Variants in CNTNAP4 observed in about 807,000 individuals in gnomAD.
The protein encoded by CNTNAP4 is contactin associated protein family member 4, also known as contactin-associated protein-like 4.
Under a neutral mutation model 148.4 loss-of-function variants are expected in CNTNAP4, and 98 were observed. That is an observed-to-expected ratio of 0.66 (90% confidence interval 0.56 to 0.78). The LOEUF (loss-of-function observed/expected upper bound fraction) is 0.78. Among genes scored for constraint, CNTNAP4 ranks in the 30% least tolerant of loss-of-function variants. The pLI is 0.00. For synonymous variants in CNTNAP4, 730 were observed against 565.1 expected (o/e 1.29, Z -4.14); for missense variants, 1,935 against 1,565.6 (o/e 1.24, Z -3.98).
Position 76,560,339 on chromosome 16 carries a change from G to A in CNTNAP4, c.*1656G>A, listed in dbSNP as rs1325329361. ...CTCATAGCACTATATCCATATTGAT[G>A]TTTCTGCAAATGCCTGACTAAATCT... On this transcript the variant is annotated 3_prime_UTR_variant, in exon 24 of 24. Coordinates refer to ENST00000611870, the MANE Select transcript of CNTNAP4 (RefSeq NM_033401.5). Among the ~76,000 whole-genome samples the A allele has an allele frequency of 6.6e-6, 1 of 152,048 alleles. No homozygotes were observed. The highest frequency in any genetic ancestry group is 1.5e-5 in the Non-Finnish European group (1 of 68,008).
intron 11 of CNTNAP4, among the ~76,000 whole-genome samples, chr16:76,478,803 T>A (rs1468642429): frequency 6.6e-6 from 1 of 152,188 alleles, no homozygotes; most frequent in Non-Finnish European, 1.5e-5. Context: ...ATTTTAATTA[T>A]CTTGAGTTCT....
chr16:76,470,027 T>C (rs761221243), intron 10 of CNTNAP4, among the ~76,000 whole-genome samples: 76 of 152,308 alleles, frequency 5.0e-4, no homozygotes, highest in Non-Finnish European at 9.3e-4. Flanking sequence ...CCAGGCCTTA[T>C]GCTAAGCACT....
At chr16:76,430,164 T>C (rs9926179) in intron 4 of CNTNAP4, among the ~76,000 whole-genome samples, 31,794 of 152,088 alleles carry the variant, frequency 0.21, 4,198 homozygotes, top group East Asian at 0.37. Context: ...TTTATTAAAA[T>C]GTGATATTAT....
chr16:76,297,698 A>G (rs1230440847), intron 1 of CNTNAP4, among the ~76,000 whole-genome samples: 1 of 152,210 alleles, frequency 6.6e-6, no homozygotes, highest in Non-Finnish European at 1.5e-5. Context: ...AGATAGATAC[A>G]CAATCCTTCA....
chr16:76,481,335 ATGAC>A (rs2081819430), intron 12 of CNTNAP4, among the ~76,000 whole-genome samples: 1 of 152,244 alleles, frequency 6.6e-6, no homozygotes, highest in East Asian at 1.9e-4. Flanking sequence ...ACAAAACAAA[ATGAC>A]TGCATTTTAA....
At chr16:76,370,216 G>A (rs930825992) in intron 3 of CNTNAP4, among the ~76,000 whole-genome samples, 2 of 150,950 alleles carry the variant, frequency 1.3e-5, no homozygotes, top group Admixed American at 6.6e-5. Context: ...TATTTTAGTA[G>A]TTTAAATCCA....
chr16:76,555,124 G>A (rs898944435), intron 23 of CNTNAP4, among the ~76,000 whole-genome samples: 3 of 152,052 alleles, frequency 2.0e-5, no homozygotes, highest in African/African-American at 7.2e-5. Flanking sequence ...GGCAATTTAT[G>A]TGGCTTTATA....
intron 15 of CNTNAP4, among the ~76,000 whole-genome samples, chr16:76,510,723 T>C (rs1186944617): frequency 1.3e-5 from 2 of 152,208 alleles, no homozygotes; most frequent in Non-Finnish European, 2.9e-5. Context: ...TGAAAAATTT[T>C]CTCAACAGGG....
chr16:76,447,133 A>C (rs1210507674), intron 4 of CNTNAP4, among the ~76,000 whole-genome samples: 1 of 151,872 alleles, frequency 6.6e-6, no homozygotes, highest in Non-Finnish European at 1.5e-5. Context: ...CATAATGAGG[A>C]CTTCATCTCC....
Position 76,407,583 on chromosome 16 carries a change from G to T in CNTNAP4, c.391-19869G>T, listed in dbSNP as rs2078639343. Among the ~76,000 whole-genome samples, 3 of 152,180 alleles carry T rather than the reference G, an allele frequency of 2.0e-5. No homozygotes were observed. The South Asian group carries it at 6.2e-4, about 32-fold the overall frequency. On this transcript the variant is annotated intron_variant, in intron 3 of 23. Transcript: ENST00000611870. ...AGGAACTGCGGATGTGGTGAAAATA[G>T]CAAGAGAACTAGAATTAGAATTGGA...
chr16:76,375,648 G>C (rs1489947900), intron 3 of CNTNAP4, among the ~76,000 whole-genome samples: 1 of 152,134 alleles, frequency 6.6e-6, no homozygotes, highest in Non-Finnish European at 1.5e-5. Flanking sequence ...TCCTGCATCA[G>C]AAGTGTAGTA....
At chr16:76,310,293 A>G (rs1021703876) in intron 1 of CNTNAP4, among the ~76,000 whole-genome samples, 2 of 152,230 alleles carry the variant, frequency 1.3e-5, no homozygotes, top group Middle Eastern at 3.2e-3. Flanking sequence ...TGGTTACAGT[A>G]CAATGTCATT....
At chr16:76,311,671 G>C (rs920734956) in intron 1 of CNTNAP4, among the ~76,000 whole-genome samples, 4 of 152,162 alleles carry the variant, frequency 2.6e-5, no homozygotes, top group Non-Finnish European at 1.5e-5. Context: ...GGAGTAATGA[G>C]AGTGATGTTC....
intron 9 of CNTNAP4, among the ~76,000 whole-genome samples, chr16:76,463,968 T>C (rs775166731): frequency 1.3e-5 from 2 of 152,130 alleles, no homozygotes; most frequent in African/African-American, 2.4e-5. Context: ...ATTTTTTCAA[T>C]TGATGTTCTT....
At chr16:76,405,273 T>C (rs890358301) in intron 3 of CNTNAP4, among the ~76,000 whole-genome samples, 3 of 152,180 alleles carry the variant, frequency 2.0e-5, no homozygotes, top group African/African-American at 7.2e-5. Context: ...AGTATTGTAA[T>C]TGTTTTTTCC....
Position 76,498,669 on chromosome 16 carries a change from G to A in CNTNAP4, c.2340G>A (p.Leu780=), listed in dbSNP as rs1213398113. The change falls in exon 15 of 24, where the codon CTG becomes CTA. Residue 780 remains leucine (L), a synonymous_variant. Transcript: ENST00000611870. ...GRLHSEAAYK[L]GPLLCQGDRS... ...TGCATTCAGAAGCAGCTTATAAACT[G>A]GGGCCTCTGCTCTGCCAGGGAGACA... The A allele has an allele frequency of 6.2e-7, 1 of 1,611,288 alleles. No homozygotes were observed. The highest frequency in any genetic ancestry group is 1.7e-5 in the Admixed American group (1 of 59,688).
rs1054950677 is a variant in CNTNAP4 at position 76,415,710 on chromosome 16, A to G, written c.391-11742A>G. Among the ~76,000 whole-genome samples, 10 of 151,064 alleles carry G rather than the reference A, an allele frequency of 6.6e-5. No homozygotes were observed. The East Asian group carries it at 9.7e-4, about 15-fold the overall frequency. ...GTTCCTTCATGCTCCTTTGTAGACA[A>G]TGCTCATCACACCCTGACCCTGGAA... On this transcript the variant is annotated intron_variant, in intron 3 of 23. Coordinates refer to ENST00000611870, the MANE Select transcript of CNTNAP4 (RefSeq NM_033401.5).
intron 3 of CNTNAP4, among the ~76,000 whole-genome samples, chr16:76,385,796 C>T (rs2144731588): frequency 6.6e-6 from 1 of 152,082 alleles, no homozygotes; most frequent in East Asian, 1.9e-4. Context: ...TAATATTGAG[C>T]TCATGGCCAA....
intron 2 of CNTNAP4, among the ~76,000 whole-genome samples, chr16:76,324,316 T>C (rs1962743201): frequency 6.6e-6 from 1 of 152,264 alleles, no homozygotes; most frequent in Admixed American, 6.5e-5. Flanking sequence ...TTTCTTTTAG[T>C]ATCCATCTGA....
Sources: gnomAD v4.1 joint callset for allele counts (sites outside exome capture counted in the v4.1 genomes callset) on GRCh38, gnomAD v4.1.1 for gene constraint, MANE v1.5 for transcripts, NCBI Gene and HGNC (gene_info 2026-07-23, HGNC 2026-07-21) for gene names.